IQGAP1: variants seen among roughly 807,000 people sequenced by gnomAD.
IQGAP1 encodes the protein ras GTPase-activating-like protein IQGAP1.
A neutral mutation model predicts 215.6 loss-of-function variants in IQGAP1; 66 were observed. That is an observed-to-expected ratio of 0.31 (90% CI 0.25 to 0.38). The LOEUF (loss-of-function observed/expected upper bound fraction) is 0.38, where lower values mean the gene tolerates loss of function less well. IQGAP1 is among the 10% of genes least tolerant of loss of function. The pLI, the probability that IQGAP1 is intolerant of heterozygous loss-of-function variation, is 1.00. For synonymous variants in IQGAP1, 772 were observed against 728.7 expected (o/e 1.06, Z -0.96); for missense variants, 1,712 against 1,997.1 (o/e 0.86, Z 2.72).
chr15:90,426,223 T>C lies in IQGAP1; in HGVS notation c.269T>C (p.Val90Ala). ...GGGAACTTCTTCTCTCCCAAAGTAG[T>C]GTCCCTGAAAAAAATCTATGATCGA... ...KLGNFFSPKV[V>A]SLKKIYDREQ... The change falls in exon 3 of 38, where the codon GTG (valine) becomes GCG (alanine). Residue 90 changes from valine (V) to alanine (A), a missense_variant. Val to Ala is a moderately conservative substitution (Grantham distance 64). Transcript: ENST00000268182. 1 of 1,603,810 alleles carries C rather than the reference T, an allele frequency of 6.2e-7. No homozygotes were observed. Among genetic ancestry groups the C allele is most frequent in the Non-Finnish European group, 8.5e-7 (1 of 1,177,026 alleles).
At chr15:90,397,615 C>T (rs1002264979) in intron 2 of IQGAP1, among the ~76,000 whole-genome samples, 2 of 146,322 alleles carry the variant, frequency 1.4e-5, no homozygotes, top group Non-Finnish European at 3.0e-5. Flanking sequence ...CTCCCAGGTT[C>T]TCACCATTCT....
chr15:90,408,684 A>G (rs1339162962), intron 2 of IQGAP1, among the ~76,000 whole-genome samples: 3 of 152,102 alleles, frequency 2.0e-5, no homozygotes, highest in Non-Finnish European at 2.9e-5. Context: ...CCCTGTCTCT[A>G]CCTTCCTGCA....
chr15:90,439,231 C>A, intron 5 of IQGAP1, 101 bp from the exon 6 acceptor site: 1 of 748,676 alleles, frequency 1.3e-6, no homozygotes, highest in Admixed American at 2.3e-5. Flanking sequence ...TCTCAGTGTT[C>A]AGAATACTTC....
At chr15:90,403,504 T>G (rs1025907794) in intron 2 of IQGAP1, among the ~76,000 whole-genome samples, 1 of 152,190 alleles carries the variant, frequency 6.6e-6, no homozygotes, top group African/African-American at 2.4e-5. Context: ...TATATAACAC[T>G]GAAAAAAAGT....
chr15:90,445,844 T>G (rs945132389), intron 9 of IQGAP1, among the ~76,000 whole-genome samples: 31 of 118,052 alleles, frequency 2.6e-4, no homozygotes, highest in East Asian at 6.6e-4. Flanking sequence ...TCTTTTTTTT[T>G]GGGTTTTTTT....
chr15:90,474,345 G>T, intron 22 of IQGAP1, 140 bp from the exon 23 acceptor site: 1 of 795,754 alleles, frequency 1.3e-6, no homozygotes, highest in East Asian at 2.5e-5. Flanking sequence ...GCCTGACACA[G>T]AAGACTGCAC....
At chr15:90,414,714 G>T (rs923085436) in intron 2 of IQGAP1, among the ~76,000 whole-genome samples, 1 of 151,860 alleles carries the variant, frequency 6.6e-6, no homozygotes, top group Non-Finnish European at 1.5e-5. Flanking sequence ...TTTCTCTGTG[G>T]GCTTATCTAC....
At chr15:90,441,729 C>G (rs374042010) in intron 8 of IQGAP1, 45 bp downstream of exon 8, 1 of 1,358,732 alleles carries the variant, frequency 7.4e-7, no homozygotes, top group African/African-American at 1.5e-5. Flanking sequence ...TATATTATTC[C>G]GTCATTTGAT....
At chr15:90,483,073 T>G in intron 28 of IQGAP1, 1 of 335,402 alleles carries the variant, frequency 3.0e-6, no homozygotes, top group Non-Finnish European at 5.6e-6. Flanking sequence ...AATAACAGAC[T>G]TTAAGTGTGT....
intron 26 of IQGAP1, 68 bp downstream of exon 26, chr15:90,477,957 T>G: frequency 9.9e-7 from 1 of 1,011,380 alleles, no homozygotes; most frequent in Non-Finnish European, 1.5e-6. Context: ...TCCCCTCTCT[T>G]TATTTATAAA....
At position 90,441,632 on chromosome 15, in the gene IQGAP1, A is replaced by T. The variant is rs1965452114; in HGVS notation, c.776A>T (p.Gln259Leu). 1 of 1,613,398 alleles carries T rather than the reference A, an allele frequency of 6.2e-7. No individual in the cohort carries two copies. Among genetic ancestry groups the T allele is most frequent in the African/African-American group, 1.3e-5 (1 of 74,878 alleles). Residue 259 changes from glutamine to leucine, a missense_variant, in exon 8 of 38, where the codon CAG becomes CTG. Transcript: ENST00000268182. ...NLEEPLASTY[Q>L]DILYQAKQDK... The stretch of plus-strand genomic sequence containing the variant: ...GAAGAGCCCTTGGCATCCACTTACC[A>T]GGATATACTTTACCAGGCTAAGCAG...
At position 90,439,463 on chromosome 15, in the gene IQGAP1, A is replaced by C; in HGVS notation, c.535+64A>C. 2.9e-6 allele frequency: 4 copies of C among 1,376,244 alleles called. No individual in the cohort carries two copies. The South Asian group carries it at 4.7e-5, about 16-fold the overall frequency. 85.3% of individuals were successfully genotyped at this position (1,376,244 alleles called of 1,614,324 possible). On this transcript the variant is annotated intron_variant, in intron 6 of 37. Transcript: ENST00000268182. ...TGTGGAAATAGCCTGGAGAGCCAGC[A>C]GTACCAATTTTGAAGACCTAGGGCT...
At chr15:90,408,773 C>G (rs1964915320) in intron 2 of IQGAP1, among the ~76,000 whole-genome samples, 1 of 152,134 alleles carries the variant, frequency 6.6e-6, no homozygotes, top group South Asian at 2.1e-4. Context: ...TCTCATTTAA[C>G]ATGCTATCAC....
At chr15:90,448,261 G>T (rs568239595) in intron 9 of IQGAP1, among the ~76,000 whole-genome samples, 1 of 152,166 alleles carries the variant, frequency 6.6e-6, no homozygotes, top group Non-Finnish European at 1.5e-5. Context: ...GAATTTAAGC[G>T]TCATGTTGGT....
chr15:90,392,806 G>C (rs562318651), intron 2 of IQGAP1, among the ~76,000 whole-genome samples: 2 of 143,864 alleles, frequency 1.4e-5, no homozygotes, highest in South Asian at 4.3e-4. Flanking sequence ...GGGCAGTGGC[G>C]CAATCTTGGC....
At chr15:90,446,210 T>C (rs1208672547) in intron 9 of IQGAP1, among the ~76,000 whole-genome samples, 1 of 152,228 alleles carries the variant, frequency 6.6e-6, no homozygotes, top group African/African-American at 2.4e-5. Context: ...TCTACCTTAC[T>C]GTTTGGTATT....
Position 90,394,191 on chromosome 15 carries a change from T to TG in IQGAP1, c.155+3318_155+3319insG, listed in dbSNP as rs1459543152. 2.0e-5 allele frequency among the ~76,000 whole-genome samples: 3 copies of TG among 148,810 alleles called. 1 individual carries two copies. Among genetic ancestry groups the TG allele is most frequent in the Admixed American group, 1.3e-4 (2 of 15,022 alleles). ...AGACATTTGTGATGATCTTCAGGTT[T>TG]TTTTTTTTTTTTTTAAGGGAGGGCA... is the stretch of plus-strand genomic sequence containing the variant. On this transcript the variant is annotated intron_variant, in intron 2 of 37. Coordinates refer to ENST00000268182, the MANE Select transcript of IQGAP1 (RefSeq NM_003870.4).
chr15:90,474,159 G>C (rs377168863), intron 22 of IQGAP1, 26 bp downstream of exon 22: 13 of 1,583,576 alleles, frequency 8.2e-6, no homozygotes, highest in African/African-American at 1.4e-5. Context: ...CGCATGAAGA[G>C]TTGAGGCAGT....
intron 29 of IQGAP1, among the ~76,000 whole-genome samples, chr15:90,483,823 A>G (rs1035599894): frequency 6.6e-6 from 1 of 152,260 alleles, no homozygotes; most frequent in African/African-American, 2.4e-5. Context: ...ACATAAAAAT[A>G]ATGATGATTA....
Sources: gnomAD v4.1 joint callset for allele counts (sites outside exome capture counted in the v4.1 genomes callset) on GRCh38, gnomAD v4.1.1 for gene constraint, MANE v1.5 for transcripts, NCBI Gene and HGNC (gene_info 2026-07-23, HGNC 2026-07-21) for gene names.